The following XPNPEP1 variants were observed in gnomAD, a reference collection of about 807,000 sequenced individuals.
XPNPEP1 encodes the protein X-prolyl aminopeptidase 1, also known as xaa-Pro aminopeptidase 1.
XPNPEP1 carries 39 observed loss-of-function variants against 92.4 expected under a neutral mutation model. The observed-to-expected ratio is 0.42, with a 90% CI of 0.33 to 0.55. The LOEUF is 0.55. XPNPEP1 is among the 20% of genes least tolerant of loss of function. The pLI, the probability that XPNPEP1 is intolerant of heterozygous loss-of-function variation, is 0.08. For synonymous variants in XPNPEP1, 307 were observed against 299.4 expected, an observed-to-expected ratio of 1.03 and a Z score of -0.26; for missense variants, 654 against 856.1, an observed-to-expected ratio of 0.76 and a Z score of 2.95.
intron 5 of XPNPEP1, among the ~76,000 whole-genome samples, chr10:109,890,941 T>A (rs1848675189): frequency 6.6e-6 from 1 of 152,204 alleles, no homozygotes; most frequent in African/African-American, 2.4e-5. Flanking sequence ...CATCAGGTAT[T>A]TTGTTTCATC....
chr10:109,875,735 T>G (rs1459404533), intron 14 of XPNPEP1, 136 bp from the exon 15 acceptor site: 1 of 648,750 alleles, frequency 1.5e-6, no homozygotes, highest in Non-Finnish European at 2.6e-6. Flanking sequence ...TAGAAAGTTA[T>G]GCAATAATGA....
chr10:109,880,336 G>T, intron 11 of XPNPEP1, 98 bp from the exon 12 acceptor site: 1 of 1,245,234 alleles, frequency 8.0e-7, no homozygotes, highest in South Asian at 1.2e-5. Flanking sequence ...GGCTGTACCT[G>T]CAGGGCCACA....
chr10:109,919,027 C>G (rs1443697218), intron 1 of XPNPEP1, among the ~76,000 whole-genome samples: 1 of 152,064 alleles, frequency 6.6e-6, no homozygotes, highest in Non-Finnish European at 1.5e-5. Flanking sequence ...AACGTAGGCG[C>G]TAAACTGTAA....
At chr10:109,873,645 C>G (rs1847611412) in intron 15 of XPNPEP1, 3 of 545,988 alleles carry the variant, frequency 5.5e-6, no homozygotes, top group Non-Finnish European at 9.8e-6. Flanking sequence ...TCCAAGAGAA[C>G]TGAAAACATA....
rs1848502861 is a variant in XPNPEP1, at chr10:109,888,191, A to C, written c.510T>G (p.Asp170Glu). 1 of 1,610,680 alleles carries C rather than the reference A, an allele frequency of 6.2e-7. No individual in the cohort carries two copies. Among genetic ancestry groups the C allele is most frequent in the Admixed American group, 1.7e-5 (1 of 59,992 alleles). Residue 170 changes from aspartate to glutamate, a missense_variant and splice_region_variant, in exon 7 of 21, where the codon GAT becomes GAG. Coordinates refer to ENST00000502935, the MANE Select transcript of XPNPEP1 (RefSeq NM_020383.4). ...VGVDPLIIPT[D>E]YWKKMAKVLR... ...GAACTTTGGCCATTTTCTTCCAATA[A>C]TCTGAGGAGACACATTGTGGCCCAG...
chr10:109,904,731 G>C (rs1849463155), intron 3 of XPNPEP1, among the ~76,000 whole-genome samples: 2 of 152,142 alleles, frequency 1.3e-5, no homozygotes, highest in South Asian at 4.1e-4. Flanking sequence ...TCTACAATGA[G>C]CCATCACCTC....
At chr10:109,916,972 A>G (rs1589639503) in intron 1 of XPNPEP1, among the ~76,000 whole-genome samples, 1 of 152,248 alleles carries the variant, frequency 6.6e-6, no homozygotes, top group Admixed American at 6.5e-5. Context: ...AAATTCCTCA[A>G]CCTGACAAAA....
At chr10:109,917,253 A>G (rs1489156710) in intron 1 of XPNPEP1, among the ~76,000 whole-genome samples, 1 of 152,256 alleles carries the variant, frequency 6.6e-6, no homozygotes, top group Non-Finnish European at 1.5e-5. Flanking sequence ...ATCCACAAAC[A>G]AAATTAGAAC....
At chr10:109,890,557 T>TGA in intron 5 of XPNPEP1, among the ~76,000 whole-genome samples, 1 of 83,328 alleles carries the variant, frequency 1.2e-5, no homozygotes, top group African/African-American at 5.3e-5. Context: ...CCTTTGTGTG[T>TGA]GTGTGTGTGT....
intron 3 of XPNPEP1, among the ~76,000 whole-genome samples, chr10:109,903,309 A>G (rs1270080294): frequency 6.6e-6 from 1 of 152,224 alleles, no homozygotes; most frequent in Admixed American, 6.5e-5. Context: ...AGATTCACAA[A>G]TAGTAGAGCT....
intron 2 of XPNPEP1, 116 bp downstream of exon 2, chr10:109,914,895 C>G (rs918696345): frequency 2.0e-6 from 1 of 504,148 alleles, no homozygotes; most frequent in Non-Finnish European, 3.3e-6. Context: ...ATACTAACCC[C>G]CAGTCATGAT....
intron 8 of XPNPEP1, among the ~76,000 whole-genome samples, chr10:109,884,756 C>T (rs1430999234): frequency 6.6e-6 from 1 of 152,194 alleles, no homozygotes; most frequent in African/African-American, 2.4e-5. Context: ...GGGTGGGGGA[C>T]CTGCGGACAG....
intron 1 of XPNPEP1, among the ~76,000 whole-genome samples, chr10:109,919,314 G>A (rs995286516): frequency 4.6e-5 from 7 of 152,090 alleles, no homozygotes; most frequent in Non-Finnish European, 7.4e-5. Flanking sequence ...ATTTTAAATG[G>A]GCTAAGGATC....
chr10:109,918,017 G>A (rs528117853), intron 1 of XPNPEP1, among the ~76,000 whole-genome samples: 7 of 152,212 alleles, frequency 4.6e-5, no homozygotes, highest in African/African-American at 1.7e-4. Context: ...GGAGGCTGAG[G>A]TGGGGTGGAT....
chr10:109,865,818 G>A (rs1401072380), intron 20 of XPNPEP1, among the ~76,000 whole-genome samples: 1 of 152,218 alleles, frequency 6.6e-6, no homozygotes, highest in Non-Finnish European at 1.5e-5. Flanking sequence ...ACCTGCGGTG[G>A]TTAAAGACTG....
intron 15 of XPNPEP1, 106 bp from the exon 16 acceptor site, chr10:109,873,533 G>A: frequency 7.3e-7 from 1 of 1,371,724 alleles, no homozygotes; most frequent in Non-Finnish European, 1.0e-6. Flanking sequence ...AATGCTGGTG[G>A]GCATGTAAAA....
chr10:109,874,795 A>C (rs1400359679), intron 15 of XPNPEP1, among the ~76,000 whole-genome samples: 1 of 152,132 alleles, frequency 6.6e-6, no homozygotes, highest in Non-Finnish European at 1.5e-5. Context: ...TAAAAATACA[A>C]AAAATTAGCC....
intron 9 of XPNPEP1, chr10:109,883,852 T>A (rs1848242788): frequency 4.1e-6 from 2 of 488,252 alleles, no homozygotes; most frequent in Non-Finnish European, 7.2e-6. Context: ...GACACTTTCA[T>A]GCGTTTCAAA....
At chr10:109,889,059 C>CAT (rs1214066421) in intron 5 of XPNPEP1, among the ~76,000 whole-genome samples, 2 of 152,334 alleles carry the variant, frequency 1.3e-5, no homozygotes, top group East Asian at 3.9e-4. Flanking sequence ...GCCCGCCCCT[C>CAT]ATCTGCAAGG....
Sources: gnomAD v4.1 joint callset for allele counts (sites outside exome capture counted in the v4.1 genomes callset) on GRCh38, gnomAD v4.1.1 for gene constraint, MANE v1.5 for transcripts, NCBI Gene and HGNC (gene_info 2026-07-23, HGNC 2026-07-21) for gene names.